The following ATXN10 variants were observed in gnomAD, a reference collection of about 807,000 sequenced individuals.
The protein encoded by ATXN10 is ataxin 10, also known as ataxin-10.
A neutral mutation model predicts 52.9 loss-of-function variants in ATXN10; 28 were observed. That is an observed-to-expected ratio of 0.53 (90% CI 0.39 to 0.73). The LOEUF (loss-of-function observed/expected upper bound fraction) is 0.73, where lower values mean the gene tolerates loss of function less well. Ranked by LOEUF, ATXN10 falls within the 30% of genes least tolerant of loss-of-function variation. The pLI, the probability that ATXN10 is intolerant of heterozygous loss-of-function variation, is 0.00. For missense variants in ATXN10, 565 were observed against 577.0 expected (o/e 0.98, Z 0.21); for synonymous variants, 226 against 221.5 (o/e 1.02, Z -0.18).
At position 45,750,088 on chromosome 22, in the gene ATXN10, C is replaced by CA; in HGVS notation, c.1173+9551dup. Among the ~76,000 whole-genome samples the CA allele has an allele frequency of 6.6e-6, 1 of 151,988 alleles. No homozygotes were observed. Among genetic ancestry groups the CA allele is most frequent in the East Asian group, 1.9e-4 (1 of 5,146 alleles). Reference sequence around the variant, plus strand: ...CGCCATATGATCAATTTTTAGATAACAGACGTTTTAATTTAATTTAATTTT... The same window carrying CA: ...CGCCATATGATCAATTTTTAGATAACAAGACGTTTTAATTTAATTTAATTTT... On this transcript the variant is annotated intron_variant, in intron 9 of 11. Coordinates refer to ENST00000252934, the MANE Select transcript of ATXN10 (RefSeq NM_013236.4). This position sits in a 1 kb window ranked among gnomAD's most constrained non-coding sequence, Gnocchi z 4.2.
In ATXN10 at chr22:45,701,575, T is replaced by TA. The variant is rs1341000869; in HGVS notation, c.489-1113dup. ...TTGAGCTTAGGTGGAAGAAGAGAATTACGAAATTCAAGCTACAGAAATAGG... is the reference window on the plus strand; with the variant it reads ...TTGAGCTTAGGTGGAAGAAGAGAATTAACGAAATTCAAGCTACAGAAATAGG... On this transcript the variant is annotated intron_variant, in intron 4 of 11. Transcript: ENST00000252934. The surrounding 1 kb of genome is among the most constrained non-coding windows in gnomAD (Gnocchi z 4.2). 1.3e-5 allele frequency among the ~76,000 whole-genome samples: 2 copies of TA among 152,202 alleles called. No individual in the cohort carries two copies. Among genetic ancestry groups the TA allele is most frequent in the South Asian group, 4.1e-4 (2 of 4,832 alleles).
At chr22:45,782,811 T>C (rs1325681824) in intron 9 of ATXN10, among the ~76,000 whole-genome samples, 1 of 152,178 alleles carries the variant, frequency 6.6e-6, no homozygotes, top group Non-Finnish European at 1.5e-5. Flanking sequence ...GGGGGATATG[T>C]TCCAAGACTC....
intron 9 of ATXN10, among the ~76,000 whole-genome samples, chr22:45,806,494 C>A (rs1378114739): frequency 6.6e-6 from 1 of 152,132 alleles, no homozygotes; most frequent in Admixed American, 6.5e-5. Flanking sequence ...TTTCCCAGTT[C>A]TCATTTGCCT....
chr22:45,716,590 C>T (rs777254631), intron 5 of ATXN10, among the ~76,000 whole-genome samples: 5 of 152,000 alleles, frequency 3.3e-5, no homozygotes, highest in African/African-American at 7.2e-5. Context: ...AGTAATCCAC[C>T]CACCTCAGTC....
Position 45,677,321 on chromosome 22 carries a change from T to G in ATXN10, c.116+5142T>G, listed in dbSNP as rs1182822063. On this transcript the variant is annotated intron_variant, in intron 1 of 11. Coordinates refer to ENST00000252934, the MANE Select transcript of ATXN10 (RefSeq NM_013236.4). The surrounding 1 kb of genome is among the most constrained non-coding windows in gnomAD (Gnocchi z 4.1). ...GTGGCAGATGCTTATCAGTTTCTTGTGGAGTTGCTGCTATTTCTATAACTT... is the reference window on the plus strand; with the variant it reads ...GTGGCAGATGCTTATCAGTTTCTTGGGGAGTTGCTGCTATTTCTATAACTT... The G allele has an allele frequency of 6.6e-6, 1 of 152,202 alleles. No homozygotes were observed. The highest frequency in any genetic ancestry group is 1.5e-5 in the Non-Finnish European group (1 of 68,030). 9.4% of individuals were successfully genotyped at this position (152,202 alleles called of 1,614,324 possible).
At position 45,689,791 on chromosome 22, in the gene ATXN10, A is replaced by G. The variant is rs188306629; in HGVS notation, c.196A>G (p.Arg66Gly). The G allele has an allele frequency of 6.2e-6, 10 of 1,614,108 alleles. No homozygotes were observed. The highest frequency in any genetic ancestry group is 2.7e-5 in the African/African-American group (2 of 75,062). Reference protein sequence around the residue: ...KSSHAVELACRDPSQVENLAS... With the variant: ...KSSHAVELACGDPSQVENLAS... ...TTCTCATGCTGTTGAGCTTGCCTGCAGAGATCCATCCCAAGTGGAAAACCT... is the reference window on the plus strand; with the variant it reads ...TTCTCATGCTGTTGAGCTTGCCTGCGGAGATCCATCCCAAGTGGAAAACCT... Residue 66 changes from arginine to glycine, a missense_variant, in exon 2 of 12, where the codon AGA becomes GGA. Arg to Gly is a moderately radical substitution (Grantham distance 125). Coordinates refer to ENST00000252934, the MANE Select transcript of ATXN10 (RefSeq NM_013236.4).
chr22:45,812,480 G>C (rs569226878), intron 10 of ATXN10, among the ~76,000 whole-genome samples: 7 of 152,148 alleles, frequency 4.6e-5, no homozygotes, highest in Non-Finnish European at 1.0e-4. Flanking sequence ...ATTTATCTGG[G>C]GGGAGAGGGT....
rs950074285 is a variant in ATXN10, at chr22:45,789,862, C to G, written c.1174-17097C>G. On this transcript the variant is annotated intron_variant, in intron 9 of 11. Transcript: ENST00000252934. The surrounding 1 kb of genome is among the most constrained non-coding windows in gnomAD (Gnocchi z 4.0). The stretch of plus-strand genomic sequence containing the variant: ...CTGGTGAGGAGTGGATATTTTACCC[C>G]CAGAAGACTCTTAAGTGGGTCAGAA... 1.3e-5 allele frequency among the ~76,000 whole-genome samples: 2 copies of G among 152,082 alleles called. No homozygotes were observed. Among genetic ancestry groups the G allele is most frequent in the Non-Finnish European group, 2.9e-5 (2 of 68,034 alleles).
At chr22:45,815,142 A>G (rs1928415812) in intron 10 of ATXN10, among the ~76,000 whole-genome samples, 1 of 152,214 alleles carries the variant, frequency 6.6e-6, no homozygotes, top group East Asian at 1.9e-4. Flanking sequence ...ATGTCATGGA[A>G]TACCATACGG....
chr22:45,703,727 T>G (rs1015886996), intron 5 of ATXN10, among the ~76,000 whole-genome samples: 3 of 152,228 alleles, frequency 2.0e-5, no homozygotes, highest in Non-Finnish European at 4.4e-5. Flanking sequence ...CCTGGATGAT[T>G]AGGATATGAA....
intron 10 of ATXN10, among the ~76,000 whole-genome samples, chr22:45,809,949 A>G (rs1407536946): frequency 6.6e-6 from 1 of 151,710 alleles, no homozygotes; most frequent in Non-Finnish European, 1.5e-5. Context: ...CTTTTCCTTT[A>G]TAGTTAAGGT....
At position 45,843,649 on chromosome 22, in the gene ATXN10, GTTTC is replaced by G; in HGVS notation, c.1426-13_1426-10del. 6.2e-7 allele frequency: 1 copy of G among 1,611,338 alleles called. No homozygotes were observed. Among genetic ancestry groups the G allele is most frequent in the Non-Finnish European group, 8.5e-7 (1 of 1,178,330 alleles). ...ACAGATTTGCTACATCTGCAATTTTGTTTCTTTCTTCTTCTTTAGTGAATGAACT... is the reference window on the plus strand; with the variant it reads ...ACAGATTTGCTACATCTGCAATTTTGTTTCTTCTTCTTTAGTGAATGAACT... On this transcript the variant is annotated splice_polypyrimidine_tract_variant and intron_variant, in intron 11 of 11. Coordinates refer to ENST00000252934, the MANE Select transcript of ATXN10 (RefSeq NM_013236.4). The surrounding 1 kb of genome is among the most constrained non-coding windows in gnomAD (Gnocchi z 4.5).
chr22:45,729,712 C>T (rs1925013867), intron 7 of ATXN10, 122 bp downstream of exon 7: 1 of 1,091,696 alleles, frequency 9.2e-7, no homozygotes, highest in Non-Finnish European at 1.4e-6. Context: ...AGTAATGTAT[C>T]CATATATGAG....
intron 9 of ATXN10, among the ~76,000 whole-genome samples, chr22:45,761,033 A>T (rs1029127996): frequency 2.0e-5 from 3 of 152,192 alleles, no homozygotes; most frequent in South Asian, 2.1e-4. Context: ...CAGGTAGCTT[A>T]TTCTGTTTCA....
chr22:45,822,810 C>T (rs979316892), intron 10 of ATXN10, among the ~76,000 whole-genome samples: 9 of 152,072 alleles, frequency 5.9e-5, no homozygotes, highest in Non-Finnish European at 1.0e-4. Context: ...ATGTGAGCCA[C>T]GGTGCCCAGC....
In ATXN10 at chr22:45,762,445, G is replaced by T. The variant is rs533398552; in HGVS notation, c.1173+21907G>T. On this transcript the variant is annotated intron_variant, in intron 9 of 11. Coordinates refer to ENST00000252934, the MANE Select transcript of ATXN10 (RefSeq NM_013236.4). The surrounding 1 kb of genome is among the most constrained non-coding windows in gnomAD (Gnocchi z 4.3). ...ACCACAGCAGCAGGATTCTTTCCAC[G>T]GTGCATGTTCTGGCTGAGTGTTGGT... is the stretch of plus-strand genomic sequence containing the variant. Among the ~76,000 whole-genome samples the T allele has an allele frequency of 1.3e-5, 2 of 152,266 alleles. No individual in the cohort carries two copies. The highest frequency in any genetic ancestry group is 2.9e-5 in the Non-Finnish European group (2 of 68,014).
In ATXN10 at chr22:45,684,538, A is replaced by G. The variant is rs1488380375; in HGVS notation, c.117-5174A>G. Among the ~76,000 whole-genome samples, 2 of 152,144 alleles carry G rather than the reference A, an allele frequency of 1.3e-5. No individual in the cohort carries two copies. Among genetic ancestry groups the G allele is most frequent in the Non-Finnish European group, 2.9e-5 (2 of 68,024 alleles). The stretch of plus-strand genomic sequence containing the variant: ...TGAAAATTATATGAATTTAAATTTT[A>G]GTTTCCACAAACAGTTTCATTAGAG... On this transcript the variant is annotated intron_variant, in intron 1 of 11. Coordinates refer to ENST00000252934, the MANE Select transcript of ATXN10 (RefSeq NM_013236.4). This position sits in a 1 kb window ranked among gnomAD's most constrained non-coding sequence, Gnocchi z 4.1.
chr22:45,702,378 T>C (rs1923873768), intron 4 of ATXN10, among the ~76,000 whole-genome samples: 1 of 152,204 alleles, frequency 6.6e-6, no homozygotes, highest in Non-Finnish European at 1.5e-5. Flanking sequence ...ATTTTTTCTT[T>C]CTAACAAGAA....
rs1569086119 is a variant in ATXN10 at position 45,843,237 on chromosome 22, C to A, written c.1425+59C>A. 2.6e-6 allele frequency: 4 copies of A among 1,551,626 alleles called. No individual in the cohort carries two copies. Among genetic ancestry groups the A allele is most frequent in the African/African-American group, 1.4e-5 (1 of 73,730 alleles). ...GGTTTGTAGAAAGCTGTTTCCACTT[C>A]CCCATTGCTTCAAGCACGAGGCTCT... On this transcript the variant is annotated intron_variant, in intron 11 of 11. Transcript: ENST00000252934. The surrounding 1 kb of genome is among the most constrained non-coding windows in gnomAD (Gnocchi z 4.5).
Sources: gnomAD v4.1 joint callset for allele counts (sites outside exome capture counted in the v4.1 genomes callset) on GRCh38, gnomAD v4.1.1 for gene constraint, Gnocchi (gnomAD v3.1) non-coding constraint, MANE v1.5 for transcripts, NCBI Gene and HGNC (gene_info 2026-07-23, HGNC 2026-07-21) for gene names.